CDC14B: variants seen among roughly 807,000 people sequenced by gnomAD.
The protein encoded by CDC14B is dual specificity protein phosphatase CDC14B.
CDC14B carries 22 observed loss-of-function variants against 64.2 expected under a neutral mutation model. The observed-to-expected ratio is 0.34, with a 90% confidence interval of 0.24 to 0.49. The LOEUF (loss-of-function observed/expected upper bound fraction) is 0.49, where lower values mean the gene tolerates loss of function less well. CDC14B is among the 20% of genes least tolerant of loss of function. The pLI, the probability that CDC14B is intolerant of heterozygous loss-of-function variation, is 0.99. For synonymous variants in CDC14B, 191 were observed against 215.8 expected (o/e 0.89, Z 1.01); for missense variants, 498 against 629.9 (o/e 0.79, Z 2.24).
chr9:96,608,152 C>T (rs549246032), intron 1 of CDC14B, among the ~76,000 whole-genome samples: 3 of 152,298 alleles, frequency 2.0e-5, no homozygotes, highest in African/African-American at 7.2e-5. Context: ...AGTCTGAAAT[C>T]TCTACCACAT....
Position 96,533,931 on chromosome 9 carries a change from G to A in CDC14B, c.942C>T (p.Cys314=), listed in dbSNP as rs762245826. 6.2e-7 allele frequency: 1 copy of A among 1,603,182 alleles called. No individual in the cohort carries two copies. Among genetic ancestry groups the A allele is most frequent in the Non-Finnish European group, 8.5e-7 (1 of 1,172,362 alleles). Residue 314 remains cysteine (C), a synonymous_variant, in exon 9 of 14, where the codon TGC becomes TGT. Coordinates refer to ENST00000375241, the MANE Select transcript of CDC14B (RefSeq NM_033331.4). The part of the protein sequence containing the change: ...ENAEGAIAVH[C]KAGLGRTGTL... ...TAACCACCCCTAGAAACATACCTTT[G>A]CAATGTACTGCAATGGCACCCTCAG...
At position 96,581,317 on chromosome 9, in the gene CDC14B, C is replaced by T. The variant is rs185747545; in HGVS notation, c.161-15834G>A. Among the ~76,000 whole-genome samples, 915 of 151,302 alleles carry T rather than the reference C, an allele frequency of 6.0e-3. 8 individuals carry two copies. The highest frequency in any genetic ancestry group is 0.021 in the African/African-American group (857 of 41,222). On this transcript the variant is annotated intron_variant, in intron 1 of 13. Coordinates refer to ENST00000375241, the MANE Select transcript of CDC14B (RefSeq NM_033331.4). ...AATAATCTTCTAAAATAAAGATAAA[C>T]AGAGGGCCAGACACAGCGGCTCATG...
chr9:96,513,924 G>C (rs1261409426), intron 12 of CDC14B, among the ~76,000 whole-genome samples: 2 of 152,220 alleles, frequency 1.3e-5, no homozygotes, highest in African/African-American at 2.4e-5. Flanking sequence ...TGCCAGCAGA[G>C]GTGGGTGGTG....
chr9:96,616,141 C>T (rs1847610032), intron 1 of CDC14B, among the ~76,000 whole-genome samples: 6 of 151,974 alleles, frequency 3.9e-5, no homozygotes, highest in Admixed American at 3.9e-4. Context: ...GCCTGGCCAA[C>T]ATAGTGAAAC....
At chr9:96,600,383 C>T (rs1158725909) in intron 1 of CDC14B, among the ~76,000 whole-genome samples, 1 of 151,994 alleles carries the variant, frequency 6.6e-6, no homozygotes, top group Non-Finnish European at 1.5e-5. Flanking sequence ...AGGCTCTTCA[C>T]TTTATACTTA....
In CDC14B at chr9:96,545,462, C is replaced by T. The variant is rs576298727; in HGVS notation, c.498-3570G>A. ...CCTCCCAAATAACTGGGACTACAGGCGCCTGCCACCACGCCCAGCTAATTT... is the reference window on the plus strand; with the variant it reads ...CCTCCCAAATAACTGGGACTACAGGTGCCTGCCACCACGCCCAGCTAATTT... On this transcript the variant is annotated intron_variant, in intron 5 of 13. Coordinates refer to ENST00000375241, the MANE Select transcript of CDC14B (RefSeq NM_033331.4). Among the ~76,000 whole-genome samples the T allele has an allele frequency of 2.2e-4, 33 of 151,930 alleles. No homozygotes were observed. The South Asian group carries it at 5.2e-3, about 24-fold the overall frequency.
chr9:96,566,709 G>A, intron 1 of CDC14B: 4 of 1,529,324 alleles, frequency 2.6e-6, no homozygotes, highest in Non-Finnish European at 3.6e-6. Context: ...AGCACTGCCC[G>A]CCCTGTCCCA....
chr9:96,591,500 T>C (rs1452902909), intron 1 of CDC14B, among the ~76,000 whole-genome samples: 1 of 152,154 alleles, frequency 6.6e-6, no homozygotes, highest in Non-Finnish European at 1.5e-5. Flanking sequence ...TATTCTGAAA[T>C]CAGGAATTGA....
chr9:96,573,163 A>G (rs1453812880), intron 1 of CDC14B, among the ~76,000 whole-genome samples: 2 of 152,122 alleles, frequency 1.3e-5, no homozygotes, highest in African/African-American at 2.4e-5. Context: ...ACAAAAAATT[A>G]GCTGGGTATG....
intron 13 of CDC14B, among the ~76,000 whole-genome samples, chr9:96,494,848 CT>C (rs1311709658): frequency 7.5e-6 from 1 of 133,242 alleles, no homozygotes; most frequent in Non-Finnish European, 1.6e-5. Context: ...CCTCCCCTTT[CT>C]TTTTTGTCGG....
At chr9:96,608,125 C>G (rs1011835842) in intron 1 of CDC14B, among the ~76,000 whole-genome samples, 5 of 152,204 alleles carry the variant, frequency 3.3e-5, no homozygotes. Context: ...GTGTCAATTC[C>G]CAGACGTCAG....
intron 12 of CDC14B, among the ~76,000 whole-genome samples, chr9:96,511,428 G>A (rs549032950): frequency 1.3e-5 from 2 of 152,276 alleles, no homozygotes; most frequent in South Asian, 2.1e-4. Context: ...AAAATTAGCC[G>A]AGTGTGGTGG....
At chr9:96,557,624 G>T (rs72603673) in intron 4 of CDC14B, among the ~76,000 whole-genome samples, 23,169 of 152,154 alleles carry the variant, frequency 0.15, 2,303 homozygotes, top group South Asian at 0.3. Flanking sequence ...ATTTAATGCA[G>T]TTTAGAATTC....
intron 5 of CDC14B, 54 bp downstream of exon 5, chr9:96,551,742 T>C (rs986284884): frequency 3.2e-6 from 5 of 1,586,030 alleles, no homozygotes; most frequent in East Asian, 2.2e-5. Context: ...ACTATCAAGA[T>C]ATTTCTGGCA....
intron 1 of CDC14B, among the ~76,000 whole-genome samples, chr9:96,588,056 A>C (rs1214707514): frequency 6.6e-6 from 1 of 152,052 alleles, no homozygotes; most frequent in African/African-American, 2.4e-5. Flanking sequence ...TGAAACCCAC[A>C]TCATAGAAAG....
intron 1 of CDC14B, among the ~76,000 whole-genome samples, chr9:96,574,660 A>G (rs1446746000): frequency 1.4e-5 from 2 of 142,554 alleles, no homozygotes; most frequent in Non-Finnish European, 3.0e-5. Context: ...GCGCCATTGC[A>G]CTCCAGCCTG....
At chr9:96,543,263 G>GGCGGAGCTTGCAGTGA (rs767087641) in intron 5 of CDC14B, among the ~76,000 whole-genome samples, 8 of 151,990 alleles carry the variant, frequency 5.3e-5, no homozygotes, top group Non-Finnish European at 1.0e-4. Flanking sequence ...TGAACCCGGA[G>GGCGGAGCTTGCAGTGA]GCGGAGCTTG....
chr9:96,550,737 G>C (rs1484037523), intron 5 of CDC14B, among the ~76,000 whole-genome samples: 1 of 152,156 alleles, frequency 6.6e-6, no homozygotes, highest in Non-Finnish European at 1.5e-5. Context: ...ATAGAGCTAA[G>C]TCAAGTATTT....
intron 1 of CDC14B, among the ~76,000 whole-genome samples, chr9:96,568,387 A>G (rs1042397500): frequency 1.3e-5 from 2 of 152,238 alleles, no homozygotes; most frequent in Admixed American, 6.5e-5. Flanking sequence ...TGTTAAATTC[A>G]TTGAGAAGAT....
Sources: gnomAD v4.1 joint callset for allele counts (sites outside exome capture counted in the v4.1 genomes callset) on GRCh38, gnomAD v4.1.1 for gene constraint, MANE v1.5 for transcripts, NCBI Gene and HGNC (gene_info 2026-07-23, HGNC 2026-07-21) for gene names.